EFCAB8: variants seen among roughly 807,000 people sequenced by gnomAD.
EFCAB8 encodes the protein EF-hand calcium-binding domain-containing protein 8.
A neutral mutation model predicts 116.3 loss-of-function variants in EFCAB8; 100 were observed. The ratio of observed to expected loss-of-function variants is 0.86; its 90% CI spans 0.73 to 1.02. EFCAB8 has a LOEUF of 1.02. Ranked by LOEUF, EFCAB8 falls within the 50% of genes least tolerant of loss-of-function variation. The probability of loss-of-function intolerance (pLI) is 0.00; values close to 1 mark genes in which losing one functional copy is unlikely to be tolerated. For missense variants in EFCAB8, 1,320 were observed against 1,416.9 expected (o/e 0.93, Z 1.10); for synonymous variants, 558 against 567.9 (o/e 0.98, Z 0.25).
chr20:32,866,792 C>A (rs1984429050), intron 2 of EFCAB8, among the ~76,000 whole-genome samples: 1 of 143,180 alleles, frequency 7.0e-6, no homozygotes, highest in Non-Finnish European at 1.5e-5. Context: ...TCCTTCCTTC[C>A]TTCCCTCCCT....
At position 32,906,691 on chromosome 20, in the gene EFCAB8, C is replaced by T. The variant is rs945579023; in HGVS notation, c.1156+62C>T. 4.2e-6 allele frequency: 3 copies of T among 717,898 alleles called. No homozygotes were observed. The African/African-American group carries it at 5.2e-5, about 13-fold the overall frequency. 44.5% of individuals were successfully genotyped at this position (717,898 alleles called of 1,614,324 possible). A position where few individuals can be genotyped will look rare whatever the true frequency, so the allele number is the denominator to read the frequency against. On this transcript the variant is annotated intron_variant, in intron 12 of 26. Transcript: ENST00000400522. ...GGAGGGCTGCTGGGGATGGGGGGACCACCAGAGCTCAGGAGAGGGCTGCAC... is the reference window on the plus strand; with the variant it reads ...GGAGGGCTGCTGGGGATGGGGGGACTACCAGAGCTCAGGAGAGGGCTGCAC...
chr20:32,928,881 C>A (rs1044450200), intron 20 of EFCAB8, among the ~76,000 whole-genome samples: 2 of 150,134 alleles, frequency 1.3e-5, no homozygotes, highest in Non-Finnish European at 3.0e-5. Flanking sequence ...TAGGTAATGT[C>A]CTTCTATTCC....
intron 2 of EFCAB8, among the ~76,000 whole-genome samples, chr20:32,864,625 C>G (rs556204448): frequency 2.0e-5 from 3 of 152,214 alleles, no homozygotes; most frequent in East Asian, 3.9e-4. Context: ...ATGCAACACA[C>G]CCGAGCCCCC....
At position 32,863,800 on chromosome 20, in the gene EFCAB8, C is replaced by T; in HGVS notation, c.8C>T (p.Ser3Phe). The T allele has an allele frequency of 6.4e-7, 1 of 1,551,344 alleles. No individual in the cohort carries two copies. The highest frequency in any genetic ancestry group is 8.7e-7 in the Non-Finnish European group (1 of 1,146,850). The change falls in exon 2 of 27, where the codon TCT becomes TTT. Residue 3 changes from serine to phenylalanine, a missense_variant. Ser to Phe is a radical substitution (Grantham distance 155, BLOSUM62 -2). Coordinates refer to ENST00000400522, the MANE Select transcript of EFCAB8 (RefSeq NM_001143967.2). ...TATTCTAGGTCAAGGCTAATGTCTT[C>T]TGAAGACTTAGCAGAGATCCCTCAA... MSSEDLAEIPQLQ... is the reference protein window; with the variant it reads MSFEDLAEIPQLQ...
intron 26 of EFCAB8, among the ~76,000 whole-genome samples, chr20:32,960,914 C>T (rs946401422): frequency 3.3e-5 from 5 of 152,204 alleles, no homozygotes; most frequent in African/African-American, 9.7e-5. Context: ...CCACAAGCGC[C>T]GTAACTGGGT....
intron 22 of EFCAB8, among the ~76,000 whole-genome samples, chr20:32,940,046 TTCC>T (rs746173239): frequency 0.018 from 1,592 of 89,280 alleles, 323 homozygotes; most frequent in Middle Eastern, 0.056. Context: ...CCTTCCTTCC[TTCC>T]TTCCTTCCTT....
chr20:32,920,688 T>A (rs1271745908), intron 20 of EFCAB8, among the ~76,000 whole-genome samples: 1 of 152,118 alleles, frequency 6.6e-6, no homozygotes, highest in Non-Finnish European at 1.5e-5. Flanking sequence ...TCTTGGTCCC[T>A]CCCACAACAC....
rs188223010 is a variant in EFCAB8 at position 32,864,302 on chromosome 20, G to T, written c.42+468G>T. 3.4e-4 allele frequency among the ~76,000 whole-genome samples: 51 copies of T among 151,706 alleles called. No homozygotes were observed. In the East Asian group the frequency reaches 9.6e-3, roughly 29 times the overall value. Reference sequence around the variant, plus strand: ...AGTGTACTTTTAAAGGGCTGCCTGAGACTGGGTATGGTGGCTCACACCTGT... The same window carrying T: ...AGTGTACTTTTAAAGGGCTGCCTGATACTGGGTATGGTGGCTCACACCTGT... On this transcript the variant is annotated intron_variant, in intron 2 of 26. Coordinates refer to ENST00000400522, the MANE Select transcript of EFCAB8 (RefSeq NM_001143967.2).
At chr20:32,883,748 T>C (rs1985460458) in intron 5 of EFCAB8, among the ~76,000 whole-genome samples, 1 of 152,048 alleles carries the variant, frequency 6.6e-6, no homozygotes, top group Non-Finnish European at 1.5e-5. Flanking sequence ...TGGAGTGCAG[T>C]GGCGCAATCT....
chr20:32,931,576 G>A (rs1449444763), intron 22 of EFCAB8, among the ~76,000 whole-genome samples: 1 of 152,126 alleles, frequency 6.6e-6, no homozygotes, highest in African/African-American at 2.4e-5. Context: ...GACCAACATG[G>A]TGAAACCCTG....
At chr20:32,908,482 A>G in intron 14 of EFCAB8, 70 bp downstream of exon 14, 1 of 1,241,394 alleles carries the variant, frequency 8.1e-7, no homozygotes, top group African/African-American at 1.6e-5. Flanking sequence ...ATCCCATGGG[A>G]CACCCAAGGG....
At chr20:32,878,832 G>A in intron 5 of EFCAB8, 25 bp downstream of exon 5, 1 of 1,541,740 alleles carries the variant, frequency 6.5e-7, no homozygotes, top group African/African-American at 1.4e-5. Context: ...CCTGGGCCTT[G>A]GTGGGTGGGG....
intron 1 of EFCAB8, among the ~76,000 whole-genome samples, chr20:32,862,202 C>T (rs975329493): frequency 6.6e-6 from 1 of 151,316 alleles, no homozygotes; most frequent in African/African-American, 2.4e-5. Flanking sequence ...ATGATCTCAG[C>T]TCTCTGCAGC....
chr20:32,911,618 C>T lies in EFCAB8; in HGVS notation c.1696C>T (p.Leu566Phe), dbSNP rs1489043998. The T allele has an allele frequency of 1.2e-5, 19 of 1,551,584 alleles. No individual in the cohort carries two copies. The highest frequency in any genetic ancestry group is 1.7e-5 in the Non-Finnish European group (19 of 1,146,976). The change falls in exon 16 of 27, where the codon CTC (leucine) becomes TTC (phenylalanine). Residue 566 changes from leucine (L) to phenylalanine (F), a missense_variant. Coordinates refer to ENST00000400522, the MANE Select transcript of EFCAB8 (RefSeq NM_001143967.2). ...CCTGGATGAGTCAGAGCGGTGCCTG[C>T]TCACAGGTTTGCGGGATGGCACAAT... is the stretch of plus-strand genomic sequence containing the variant. ...MALDESERCL[L>F]TGLRDGTMKM...
chr20:32,942,268 A>G (rs1988431204), intron 22 of EFCAB8, among the ~76,000 whole-genome samples: 1 of 152,178 alleles, frequency 6.6e-6, no homozygotes, highest in African/African-American at 2.4e-5. Flanking sequence ...GCCTTTGTTT[A>G]TTAGTGATGT....
intron 11 of EFCAB8, among the ~76,000 whole-genome samples, chr20:32,904,456 G>A (rs558023798): frequency 1.4e-5 from 2 of 145,730 alleles, no homozygotes; most frequent in Admixed American, 1.4e-4. Flanking sequence ...GCACCATCAC[G>A]CCCAGCTAAT....
chr20:32,877,484 C>T (rs1913694649), intron 4 of EFCAB8, among the ~76,000 whole-genome samples: 1 of 152,228 alleles, frequency 6.6e-6, no homozygotes, highest in Non-Finnish European at 1.5e-5. Flanking sequence ...GCTGGGATTA[C>T]AGGTGTGAGC....
chr20:32,936,042 T>A (rs1988109269), intron 22 of EFCAB8, among the ~76,000 whole-genome samples: 1 of 151,956 alleles, frequency 6.6e-6, no homozygotes, highest in Admixed American at 6.6e-5. Flanking sequence ...TTTTATTTTT[T>A]ATTTTTTTGA....
chr20:32,927,098 G>A (rs964250163), intron 20 of EFCAB8, among the ~76,000 whole-genome samples: 18 of 152,126 alleles, frequency 1.2e-4, no homozygotes, highest in Admixed American at 9.8e-4. Flanking sequence ...CAAGAAAAAT[G>A]CACAAAATTA....
Sources: gnomAD v4.1 joint callset for allele counts (sites outside exome capture counted in the v4.1 genomes callset) on GRCh38, gnomAD v4.1.1 for gene constraint, MANE v1.5 for transcripts, NCBI Gene and HGNC (gene_info 2026-07-23, HGNC 2026-07-21) for gene names.